CDK14: variants seen among roughly 807,000 people sequenced by gnomAD.
CDK14 encodes cyclin-dependent kinase 14.
CDK14 carries 34 observed loss-of-function variants against 60.7 expected under a neutral mutation model. The observed-to-expected ratio is 0.56, with a 90% CI of 0.43 to 0.75. The LOEUF is 0.75. Among genes scored for constraint, CDK14 ranks in the 30% least tolerant of loss-of-function variants. CDK14 has a pLI of 0.00. For synonymous variants in CDK14, 197 were observed against 203.7 expected (o/e 0.97, Z 0.28); for missense variants, 482 against 564.1 (o/e 0.85, Z 1.47).
chr7:91,005,619 A>G (rs566453405), intron 10 of CDK14, among the ~76,000 whole-genome samples: 1 of 152,354 alleles, frequency 6.6e-6, no homozygotes, highest in East Asian at 1.9e-4. Flanking sequence ...AGTCCAAGCA[A>G]GATGACAGCT....
intron 2 of CDK14, among the ~76,000 whole-genome samples, chr7:90,616,102 A>G (rs960401827): frequency 6.6e-6 from 1 of 152,306 alleles, no homozygotes; most frequent in East Asian, 1.9e-4. Flanking sequence ...TTCAGAAAAT[A>G]TAGTCTTCTT....
chr7:90,679,998 A>G (rs901465557), intron 2 of CDK14, among the ~76,000 whole-genome samples: 2 of 152,136 alleles, frequency 1.3e-5, no homozygotes, highest in African/African-American at 4.8e-5. Context: ...AAAAATTACT[A>G]TGTGTAATCA....
chr7:90,824,037 A>G (rs1256211864), intron 5 of CDK14, among the ~76,000 whole-genome samples: 1 of 152,242 alleles, frequency 6.6e-6, no homozygotes, highest in Non-Finnish European at 1.5e-5. Flanking sequence ...AGAATCTTTC[A>G]TAAATACAAA....
chr7:91,168,367 T>G (rs1028655793), intron 14 of CDK14, among the ~76,000 whole-genome samples: 1 of 152,112 alleles, frequency 6.6e-6, no homozygotes, highest in Admixed American at 6.5e-5. Context: ...ATAGGAAACA[T>G]TTTGTTAGTA....
chr7:90,633,587 A>G (rs1005075455), intron 2 of CDK14, among the ~76,000 whole-genome samples: 20 of 152,192 alleles, frequency 1.3e-4, no homozygotes, highest in Admixed American at 2.6e-4. Context: ...AGGATAGACA[A>G]ATTTTACCTT....
chr7:91,010,246 C>T (rs1334914985), intron 10 of CDK14, among the ~76,000 whole-genome samples: 1 of 151,926 alleles, frequency 6.6e-6, no homozygotes, highest in African/African-American at 2.4e-5. Context: ...TATTTTAGAT[C>T]CTTTGTATTC....
At chr7:90,652,597 G>A (rs530246040) in intron 2 of CDK14, among the ~76,000 whole-genome samples, 9 of 152,212 alleles carry the variant, frequency 5.9e-5, no homozygotes, top group African/African-American at 2.2e-4. Flanking sequence ...AATAGTGAAG[G>A]GACCAAAATA....
chr7:90,986,473 A>C (rs937623687), intron 10 of CDK14, among the ~76,000 whole-genome samples: 4 of 152,014 alleles, frequency 2.6e-5, no homozygotes, highest in African/African-American at 9.6e-5. Flanking sequence ...CTATGGAAAT[A>C]ATACAAAATT....
chr7:90,667,843 A>G (rs1276003259), intron 2 of CDK14, among the ~76,000 whole-genome samples: 1 of 152,232 alleles, frequency 6.6e-6, no homozygotes, highest in Non-Finnish European at 1.5e-5. Flanking sequence ...TGCTGGGATT[A>G]CAGGCGTGAG....
chr7:91,082,440 A>G (rs931626229), intron 12 of CDK14, among the ~76,000 whole-genome samples: 1 of 152,166 alleles, frequency 6.6e-6, no homozygotes, highest in African/African-American at 2.4e-5. Context: ...CACACATGTT[A>G]TGGTTCTGCT....
chr7:91,118,111 T>C lies in CDK14; in HGVS notation c.1341T>C (p.Ala447=). Reference sequence around the variant, plus strand: ...CAAATGTGAGATTGCAACCAGAAGCTGGAGAAAGCATGCGGGCCTTTGGGA... The same window carrying C: ...CAAATGTGAGATTGCAACCAGAAGCCGGAGAAAGCATGCGGGCCTTTGGGA... ...TVPNVRLQPE[A]GESMRAFGKN... The change falls in exon 14 of 15, where the codon GCT becomes GCC. Residue 447 remains alanine, a synonymous_variant. Transcript: ENST00000380050. 1 of 1,613,716 alleles carries C rather than the reference T, an allele frequency of 6.2e-7. No homozygotes were observed. The highest frequency in any genetic ancestry group is 8.5e-7 in the Non-Finnish European group (1 of 1,179,710).
At chr7:90,942,726 G>A (rs147159647) in intron 8 of CDK14, among the ~76,000 whole-genome samples, 1 of 152,128 alleles carries the variant, frequency 6.6e-6, no homozygotes, top group South Asian at 2.1e-4. Flanking sequence ...ACATGGCTCT[G>A]CTAAAACATG....
Position 90,608,452 on chromosome 7 carries a change from C to T in CDK14, c.123+4203C>T, listed in dbSNP as rs1221123537. 6 of 439,482 alleles carry T rather than the reference C, an allele frequency of 1.4e-5. No individual in the cohort carries two copies. The Admixed American group carries it at 2.6e-4, about 19-fold the overall frequency. 27.2% of individuals were successfully genotyped at this position (439,482 alleles called of 1,614,324 possible). On this transcript the variant is annotated intron_variant, in intron 2 of 14. Coordinates refer to ENST00000380050, the MANE Select transcript of CDK14 (RefSeq NM_001287135.2). ...AAATAGTTGGAAATGGTGATAGCTA[C>T]AGCAATTCATGAATTGTTCTCATGG...
intron 2 of CDK14, among the ~76,000 whole-genome samples, chr7:90,612,035 G>T (rs1799549513): frequency 6.6e-6 from 1 of 152,008 alleles, no homozygotes; most frequent in Non-Finnish European, 1.5e-5. Flanking sequence ...GTTTCACCAG[G>T]TTGGCTAGGT....
intron 11 of CDK14, among the ~76,000 whole-genome samples, chr7:91,066,376 A>G (rs1584004984): frequency 6.6e-6 from 1 of 152,202 alleles, no homozygotes; most frequent in South Asian, 2.1e-4. Flanking sequence ...CTCCCAAAAA[A>G]AGAAAGAAAA....
intron 6 of CDK14, among the ~76,000 whole-genome samples, chr7:90,888,366 A>G (rs1298463230): frequency 6.6e-6 from 1 of 152,142 alleles, no homozygotes; most frequent in Non-Finnish European, 1.5e-5. Flanking sequence ...TAATAATAAT[A>G]AAAGTAACAG....
At chr7:91,084,309 C>G (rs945568505) in intron 12 of CDK14, among the ~76,000 whole-genome samples, 1 of 152,180 alleles carries the variant, frequency 6.6e-6, no homozygotes, top group African/African-American at 2.4e-5. Context: ...AGATTTCATG[C>G]AGCCAGGAGA....
chr7:90,730,627 T>C (rs1049856149), intron 3 of CDK14, among the ~76,000 whole-genome samples: 1 of 152,206 alleles, frequency 6.6e-6, no homozygotes, highest in Non-Finnish European at 1.5e-5. Context: ...CTTTTTTTCA[T>C]GTTTGTTGGC....
intron 14 of CDK14, among the ~76,000 whole-genome samples, chr7:91,149,832 C>A (rs1041952741): frequency 6.6e-6 from 1 of 152,196 alleles, no homozygotes; most frequent in Non-Finnish European, 1.5e-5. Flanking sequence ...TGTTTTCCCC[C>A]TCTCTTTACT....
Sources: gnomAD v4.1 joint callset for allele counts (sites outside exome capture counted in the v4.1 genomes callset) on GRCh38, gnomAD v4.1.1 for gene constraint, MANE v1.5 for transcripts, NCBI Gene and HGNC (gene_info 2026-07-23, HGNC 2026-07-21) for gene names.